WWOX: variants seen among roughly 807,000 people sequenced by gnomAD.
WWOX encodes the protein WW domain containing oxidoreductase.
Under a neutral mutation model 46.2 loss-of-function variants are expected in WWOX, and 69 were observed. The observed-to-expected ratio is 1.49, with a 90% CI of 1.23 to 1.82. The LOEUF (loss-of-function observed/expected upper bound fraction) is 1.82, where lower values mean the gene tolerates loss of function less well. WWOX is among the 40% of genes most tolerant of loss of function. WWOX has a pLI of 0.00. For synonymous variants in WWOX, 359 were observed against 202.6 expected, an observed-to-expected ratio of 1.77 and a Z score of -6.56; for missense variants, 919 against 542.6, an observed-to-expected ratio of 1.69 and a Z score of -6.89.
At chr16:78,544,816 A>G (rs1243159580) in intron 8 of WWOX, among the ~76,000 whole-genome samples, 1 of 152,158 alleles carries the variant, frequency 6.6e-6, no homozygotes, top group African/African-American at 2.4e-5. Flanking sequence ...TCAAGGCTGC[A>G]GTGAGCTGTG....
chr16:78,656,975 G>T (rs1476372976), intron 8 of WWOX, among the ~76,000 whole-genome samples: 1 of 152,150 alleles, frequency 6.6e-6, no homozygotes, highest in Non-Finnish European at 1.5e-5. Context: ...TGGAGTGTTA[G>T]GGTCTTCGGG....
chr16:78,551,270 C>T (rs1007431892), intron 8 of WWOX: 1 of 152,102 alleles, frequency 6.6e-6, no homozygotes, highest in Non-Finnish European at 1.5e-5. Flanking sequence ...GCTCCTATAT[C>T]TTTTTTCTGG....
chr16:78,448,251 C>CGGGG (rs1046812221), intron 8 of WWOX, among the ~76,000 whole-genome samples: 1 of 152,082 alleles, frequency 6.6e-6, no homozygotes, highest in African/African-American at 2.4e-5. Flanking sequence ...TAATGCATAA[C>CGGGG]GGGGGAGTAA....
chr16:79,140,679 C>A (rs910665530), intron 8 of WWOX, among the ~76,000 whole-genome samples: 18 of 152,222 alleles, frequency 1.2e-4, no homozygotes, highest in African/African-American at 3.9e-4. Flanking sequence ...GATTTAGAGG[C>A]CAGTTGGCTT....
rs991654009 is a variant in WWOX at position 78,834,585 on chromosome 16, C to T, written c.1057-377023C>T. Among the ~76,000 whole-genome samples the T allele has an allele frequency of 4.6e-5, 7 of 151,946 alleles. 1 individual carries two copies. In the South Asian group the frequency reaches 6.2e-4, roughly 14 times the overall value. ...GTCTGCAATGTAGAATCCCCATTGC[C>T]GATGATCAGAAAGTACAGCGTAGTT... On this transcript the variant is annotated intron_variant, in intron 8 of 8. Transcript: ENST00000566780.
At chr16:78,763,968 C>A (rs1353016936) in intron 8 of WWOX, among the ~76,000 whole-genome samples, 1 of 152,142 alleles carries the variant, frequency 6.6e-6, no homozygotes, top group African/African-American at 2.4e-5. Flanking sequence ...CCCTCTGCCC[C>A]ACATCTATTG....
At chr16:78,145,246 AG>A (rs1182003192) in intron 4 of WWOX, among the ~76,000 whole-genome samples, 1 of 152,090 alleles carries the variant, frequency 6.6e-6, no homozygotes, top group African/African-American at 2.4e-5. Flanking sequence ...ATATTTATGA[AG>A]GGGAGTTTAT....
At position 79,194,109 on chromosome 16, in the gene WWOX, T is replaced by A. The variant is rs181021985; in HGVS notation, c.1057-17499T>A. ...TGTGTGTATGTGTACAAAGAAAGTT[T>A]AGAGCAGCGTGTGGCACGTAATGCA... On this transcript the variant is annotated intron_variant, in intron 8 of 8. Transcript: ENST00000566780. Among the ~76,000 whole-genome samples the A allele has an allele frequency of 3.9e-5, 6 of 152,268 alleles. No individual in the cohort carries two copies. The East Asian group carries it at 1.2e-3, about 29-fold the overall frequency.
chr16:79,084,094 C>T (rs1218948912), intron 8 of WWOX, among the ~76,000 whole-genome samples: 2 of 152,094 alleles, frequency 1.3e-5, no homozygotes, highest in East Asian at 1.9e-4. Flanking sequence ...TGGAGAGTGG[C>T]TGAGAAACCA....
At chr16:78,997,149 G>A (rs191291556) in intron 8 of WWOX, among the ~76,000 whole-genome samples, 176 of 151,954 alleles carry the variant, frequency 1.2e-3, no homozygotes, top group African/African-American at 3.8e-3. Flanking sequence ...TGTGTGCCTG[G>A]TGAGGGGGGT....
chr16:78,147,785 C>G lies in WWOX; in HGVS notation c.410-16398C>G, dbSNP rs574098086. On this transcript the variant is annotated intron_variant, in intron 4 of 8. Coordinates refer to ENST00000566780, the MANE Select transcript of WWOX (RefSeq NM_016373.4). ...GGGCTGGCTTTTTCATTTCTGAGAG[C>G]TGGCAATGGAATGAAGGTCTTTTTT... Among the ~76,000 whole-genome samples the G allele has an allele frequency of 2.1e-5, 3 of 140,804 alleles. No individual in the cohort carries two copies. In the East Asian group the frequency reaches 6.2e-4, roughly 29 times the overall value. 92.4% of individuals were successfully genotyped at this position (140,804 alleles called of 152,430 possible). A position where few individuals can be genotyped will look rare whatever the true frequency, so the allele number is the denominator to read the frequency against.
chr16:78,711,767 A>G (rs1204299577), intron 8 of WWOX, among the ~76,000 whole-genome samples: 1 of 152,156 alleles, frequency 6.6e-6, no homozygotes, highest in Non-Finnish European at 1.5e-5. Flanking sequence ...GACCAGTGTT[A>G]AAGAGTGAGC....
At position 78,933,021 on chromosome 16, in the gene WWOX, C is replaced by G. The variant is rs143879611; in HGVS notation, c.1057-278587C>G. 3.0e-3 allele frequency among the ~76,000 whole-genome samples: 462 copies of G among 152,324 alleles called. 2 individuals are homozygous for G. The highest frequency in any genetic ancestry group is 0.01 in the African/African-American group (423 of 41,574). On this transcript the variant is annotated intron_variant, in intron 8 of 8. Transcript: ENST00000566780. ...CTTGGGAATTAGACTCACCCAGACTCTGAGTTAAGAGTTTCTATGAGACAG... is the reference window on the plus strand; with the variant it reads ...CTTGGGAATTAGACTCACCCAGACTGTGAGTTAAGAGTTTCTATGAGACAG...
At chr16:79,046,491 T>C (rs938370811) in intron 8 of WWOX, among the ~76,000 whole-genome samples, 2 of 152,350 alleles carry the variant, frequency 1.3e-5, no homozygotes, top group Non-Finnish European at 2.9e-5. Flanking sequence ...GAAGGTTCAC[T>C]GTCTGGTGAA....
At chr16:78,854,923 T>A (rs888462813) in intron 8 of WWOX, among the ~76,000 whole-genome samples, 3 of 140,692 alleles carry the variant, frequency 2.1e-5, no homozygotes, top group African/African-American at 5.2e-5. Context: ...TTTTTTTTTT[T>A]AACAAAACTT....
At chr16:78,501,777 T>A (rs2085075901) in intron 8 of WWOX, among the ~76,000 whole-genome samples, 1 of 152,102 alleles carries the variant, frequency 6.6e-6, no homozygotes, top group South Asian at 2.1e-4. Context: ...CCTGAAGTGA[T>A]CCACCCACCT....
chr16:78,986,505 T>C (rs1483161419), intron 8 of WWOX, among the ~76,000 whole-genome samples: 3 of 152,216 alleles, frequency 2.0e-5, no homozygotes, highest in Non-Finnish European at 4.4e-5. Context: ...GGATTTTCTT[T>C]TTAGGATTTC....
chr16:78,308,378 C>T (rs1473984768), intron 5 of WWOX, among the ~76,000 whole-genome samples: 3 of 152,132 alleles, frequency 2.0e-5, no homozygotes, highest in African/African-American at 4.8e-5. Context: ...GGATATGACT[C>T]ATTATACCCT....
Position 78,261,769 on chromosome 16 carries a change from T to TAG in WWOX, c.516+97481_516+97482insGA, listed in dbSNP as rs1567464498. ...GTGTGTGTCTGTCTATCTATCTATCTATGTATCTATCTATCTATCTATATA... is the reference window on the plus strand; with the variant it reads ...GTGTGTGTCTGTCTATCTATCTATCTAGATGTATCTATCTATCTATCTATATA... On this transcript the variant is annotated intron_variant, in intron 5 of 8. Coordinates refer to ENST00000566780, the MANE Select transcript of WWOX (RefSeq NM_016373.4). Among the ~76,000 whole-genome samples, 56 of 48,012 alleles carry TAG rather than the reference T, an allele frequency of 1.2e-3. 2 individuals are homozygous for TAG. Among genetic ancestry groups the TAG allele is most frequent in the South Asian group, 5.8e-3 (7 of 1,216 alleles). The allele number at this position is 48,012 out of a possible 152,430, so 31.5% of individuals were successfully genotyped here.
Sources: allele counts gnomAD v4.1 joint callset (sites outside exome capture counted in the v4.1 genomes callset), GRCh38; gene constraint gnomAD v4.1.1; transcripts MANE v1.5; gene names NCBI Gene and HGNC (gene_info 2026-07-23, HGNC 2026-07-21).